The following ASTN2 variants were observed in gnomAD, a reference collection of about 807,000 sequenced individuals.
The protein encoded by ASTN2 is astrotactin 2.
In ASTN2, 54 loss-of-function variants were observed where a neutral mutation model predicts 139.8. That is an observed-to-expected ratio of 0.39 (90% CI 0.31 to 0.48). ASTN2 has a LOEUF of 0.48. Ranked by LOEUF, ASTN2 falls within the 20% of genes least tolerant of loss-of-function variation. ASTN2 has a pLI of 0.95. For synonymous variants in ASTN2, 756 were observed against 719.5 expected (o/e 1.05, Z -0.81); for missense variants, 1,565 against 1,725.1 (o/e 0.91, Z 1.64).
At chr9:116,825,799 A>G (rs1034021334) in intron 11 of ASTN2, among the ~76,000 whole-genome samples, 2 of 152,200 alleles carry the variant, frequency 1.3e-5, no homozygotes, top group African/African-American at 4.8e-5. Flanking sequence ...TTTGCATAAA[A>G]CCATTGCCAC....
intron 8 of ASTN2, 53 bp downstream of exon 8, chr9:116,976,648 G>A: frequency 6.7e-7 from 1 of 1,489,582 alleles, no homozygotes; most frequent in Non-Finnish European, 9.3e-7. Flanking sequence ...CAGAACAGAG[G>A]AGGTAAAAGT....
intron 2 of ASTN2, among the ~76,000 whole-genome samples, chr9:117,235,284 G>A (rs1246786210): frequency 6.7e-6 from 1 of 150,164 alleles, no homozygotes; most frequent in Non-Finnish European, 1.5e-5. Context: ...TATTTTCCAA[G>A]CCCCTATTGC....
chr9:116,656,375 C>A lies in ASTN2; in HGVS notation c.2807-4582G>T, dbSNP rs116402326. Among the ~76,000 whole-genome samples, 1,231 of 152,272 alleles carry A rather than the reference C, an allele frequency of 8.1e-3. 20 individuals are homozygous for A. Among genetic ancestry groups the A allele is most frequent in the African/African-American group, 0.029 (1,190 of 41,556 alleles). ...AATCAAAAGGTCAACAGATGAATAG[C>A]TGAGCACTTTTCCAGTTGCTCTGAC... On this transcript the variant is annotated intron_variant, in intron 16 of 22. Transcript: ENST00000313400.
intron 2 of ASTN2, among the ~76,000 whole-genome samples, chr9:117,229,475 A>T (rs1832822128): frequency 6.6e-6 from 1 of 152,158 alleles, no homozygotes; most frequent in African/African-American, 2.4e-5. Context: ...AAATACAGGA[A>T]CTCAAAGCTC....
Position 117,016,132 on chromosome 9 carries a change from A to G in ASTN2, c.1424-7873T>C, listed in dbSNP as rs564004240. ...ACTTCTTTGGGGATGTTATGTCCTT[A>G]TTGAGAATGTATGTTATAATCAGAC... On this transcript the variant is annotated intron_variant, in intron 6 of 22. Transcript: ENST00000313400. Among the ~76,000 whole-genome samples, 4 of 152,092 alleles carry G rather than the reference A, an allele frequency of 2.6e-5. No homozygotes were observed. In the East Asian group the frequency reaches 7.8e-4, roughly 30 times the overall value.
At position 117,062,360 on chromosome 9, in the gene ASTN2, C is replaced by T. The variant is rs1430172449; in HGVS notation, c.1277-22395G>A. ...GGACCTAAAAAGGAGCTTTTTCCCC[C>T]AATAGCCCCTTAACCTTATTGAGCA... is the stretch of plus-strand genomic sequence containing the variant. On this transcript the variant is annotated intron_variant, in intron 5 of 22. Coordinates refer to ENST00000313400, the MANE Select transcript of ASTN2 (RefSeq NM_001365068.1). Among the ~76,000 whole-genome samples the T allele has an allele frequency of 1.3e-5, 2 of 152,126 alleles. 1 individual carries two copies. Among genetic ancestry groups the T allele is most frequent in the Non-Finnish European group, 2.9e-5 (2 of 68,026 alleles).
chr9:116,526,316 TA>T (rs1428354566), intron 19 of ASTN2, among the ~76,000 whole-genome samples: 1 of 152,146 alleles, frequency 6.6e-6, no homozygotes, highest in Admixed American at 6.5e-5. Flanking sequence ...GTGTGAGTAG[TA>T]AATGTGACAA....
intron 20 of ASTN2, among the ~76,000 whole-genome samples, chr9:116,467,746 T>C (rs1323546140): frequency 6.6e-6 from 1 of 152,386 alleles, no homozygotes; most frequent in East Asian, 1.9e-4. Context: ...ATAAAGTTGT[T>C]GTGATGATTA....
At chr9:117,080,227 T>C (rs1265378181) in intron 5 of ASTN2, among the ~76,000 whole-genome samples, 1 of 152,168 alleles carries the variant, frequency 6.6e-6, no homozygotes, top group East Asian at 1.9e-4. Flanking sequence ...ATGAGTTGAT[T>C]TGTTTGTCCT....
intron 16 of ASTN2, among the ~76,000 whole-genome samples, chr9:116,681,353 C>T (rs555289982): frequency 2.0e-5 from 3 of 152,192 alleles, no homozygotes; most frequent in Admixed American, 2.0e-4. Context: ...AACTACAAAC[C>T]ACTGCTCAAT....
chr9:117,277,107 C>T (rs977773141), intron 2 of ASTN2: 1 of 152,100 alleles, frequency 6.6e-6, no homozygotes, highest in African/African-American at 2.4e-5. Flanking sequence ...GTGTCCCTCC[C>T]AAAGCTGTAT....
intron 12 of ASTN2, among the ~76,000 whole-genome samples, chr9:116,812,689 G>T (rs1358290387): frequency 6.6e-6 from 1 of 152,120 alleles, no homozygotes; most frequent in Non-Finnish European, 1.5e-5. Flanking sequence ...GAAAATTGAG[G>T]TTTACAGAAG....
At chr9:116,901,302 A>G (rs1834005355) in intron 10 of ASTN2, among the ~76,000 whole-genome samples, 1 of 152,188 alleles carries the variant, frequency 6.6e-6, no homozygotes, top group South Asian at 2.1e-4. Flanking sequence ...CTTTGAGCCC[A>G]GGAGTTTGAG....
At chr9:116,744,999 G>A (rs1250883418) in intron 13 of ASTN2, among the ~76,000 whole-genome samples, 2 of 152,132 alleles carry the variant, frequency 1.3e-5, no homozygotes, top group Non-Finnish European at 2.9e-5. Flanking sequence ...GCAGAATGCA[G>A]CTTGTGACCC....
At chr9:116,597,348 G>A (rs750964984) in intron 19 of ASTN2, among the ~76,000 whole-genome samples, 10 of 114,956 alleles carry the variant, frequency 8.7e-5, no homozygotes, top group Non-Finnish European at 1.5e-4. Context: ...CACTCTTGTC[G>A]CCAGGCTGGA....
At chr9:116,861,410 C>T (rs1832880401) in intron 11 of ASTN2, among the ~76,000 whole-genome samples, 1 of 152,200 alleles carries the variant, frequency 6.6e-6, no homozygotes. Context: ...ATTCTGGACA[C>T]AACACAGAAC....
intron 16 of ASTN2, among the ~76,000 whole-genome samples, chr9:116,688,854 G>A (rs1860416374): frequency 6.6e-6 from 1 of 151,140 alleles, no homozygotes; most frequent in African/African-American, 2.4e-5. Flanking sequence ...CTCGGAGACA[G>A]ACAAAACAAC....
intron 19 of ASTN2, among the ~76,000 whole-genome samples, chr9:116,538,448 G>A (rs1587963709): frequency 1.3e-5 from 2 of 152,084 alleles, no homozygotes; most frequent in East Asian, 3.9e-4. Context: ...CCATGACTTT[G>A]TATTTTAAAA....
At chr9:116,662,883 A>C (rs144992698) in intron 16 of ASTN2, among the ~76,000 whole-genome samples, 147 of 152,298 alleles carry the variant, frequency 9.7e-4, no homozygotes, top group Middle Eastern at 3.4e-3. Context: ...CAGCTGAAAA[A>C]ACAGAGTTTC....
Sources: allele counts gnomAD v4.1 joint callset (sites outside exome capture counted in the v4.1 genomes callset), GRCh38; gene constraint gnomAD v4.1.1; transcripts MANE v1.5; gene names NCBI Gene and HGNC (gene_info 2026-07-23, HGNC 2026-07-21).